HMCN2: variants seen among roughly 807,000 people sequenced by gnomAD.
HMCN2 encodes the protein hemicentin-2.
In HMCN2, 325 loss-of-function variants were observed where a neutral mutation model predicts 377.5. That is an observed-to-expected ratio of 0.86 (90% confidence interval 0.79 to 0.94). The LOEUF (loss-of-function observed/expected upper bound fraction) is 0.94, where lower values mean the gene tolerates loss of function less well. HMCN2 is among the 40% of genes least tolerant of loss of function. The pLI is 0.00. For synonymous variants in HMCN2, 2,007 were observed against 2,046.8 expected, an observed-to-expected ratio of 0.98 and a Z score of 0.53; for missense variants, 4,543 against 4,725.3, an observed-to-expected ratio of 0.96 and a Z score of 1.13.
rs1293790530 is a variant in HMCN2 at position 130,385,676 on chromosome 9, T to G, written c.9223T>G (p.Trp3075Gly). 3.8e-6 allele frequency: 5 copies of G among 1,304,014 alleles called. No homozygotes were observed. The highest frequency in any genetic ancestry group is 2.3e-5 in the Admixed American group (1 of 43,542). The allele number at this position is 1,304,014 out of a possible 1,614,324, so 80.8% of individuals were successfully genotyped here. ...TDALPEPTVTWYKDGQPLVLA... is the reference protein window; with the variant it reads ...TDALPEPTVTGYKDGQPLVLA... ...TGCGCTCCCTGAGCCAACTGTGACC[T>G]GGTACAAGGATGGGCAGCCCCTGGT... Residue 3075 changes from tryptophan to glycine, a missense_variant, in exon 60 of 98, where the codon TGG (tryptophan) becomes GGG (glycine). Trp to Gly is a radical substitution (Grantham distance 184). This residue lies in a region of HMCN2 where 736 missense variants were observed against 773.2 expected (regional missense o/e 0.95). Coordinates refer to ENST00000683500, the MANE Select transcript of HMCN2 (RefSeq NM_001291815.2).
At position 130,400,925 on chromosome 9, in the gene HMCN2, T is replaced by C; in HGVS notation, c.11748T>C (p.Ser3916=). ...KAGAQLGARG[S]GYRVSPSGAL... ...GCGCCCAGCTAGGAGCTCGGGGGAGTGGCTATCGTGTCTCACCATCGGGTA... is the reference window on the plus strand; with the variant it reads ...GCGCCCAGCTAGGAGCTCGGGGGAGCGGCTATCGTGTCTCACCATCGGGTA... Residue 3916 remains serine (S), a synonymous_variant, in exon 77 of 98, where the codon AGT becomes AGC. Transcript: ENST00000683500. The C allele has an allele frequency of 7.8e-7, 1 of 1,287,416 alleles. No individual in the cohort carries two copies. Among genetic ancestry groups the C allele is most frequent in the Non-Finnish European group, 1.0e-6 (1 of 987,960 alleles). The allele number at this position is 1,287,416 out of a possible 1,614,324, so 79.7% of individuals were successfully genotyped here.
chr9:130,354,979 T>C lies in HMCN2; in HGVS notation c.5081T>C (p.Leu1694Pro), dbSNP rs1490609644. ...AGCCCGGGGGAGGCATCCAGTGGCC[T>C]GTACAGCTGTGTGGCCAGCAGTCCT... ...LESPGEASSG[L>P]YSCVASSPAG... Residue 1694 changes from leucine to proline, a missense_variant, in exon 32 of 98, where the codon CTG becomes CCG. By Grantham distance (98) the Leu-to-Pro change is moderately conservative. Transcript: ENST00000683500. 7.7e-7 allele frequency: 1 copy of C among 1,299,418 alleles called. No individual in the cohort carries two copies. Among genetic ancestry groups the C allele is most frequent in the Non-Finnish European group, 1.0e-6 (1 of 988,830 alleles). The allele number at this position is 1,299,418 out of a possible 1,614,324, so 80.5% of individuals were successfully genotyped here.
intron 94 of HMCN2, 29 bp downstream of exon 94, chr9:130,429,714 C>T (rs1209864367): frequency 7.6e-6 from 10 of 1,308,326 alleles, no homozygotes; most frequent in Non-Finnish European, 1.0e-5. Context: ...TCTGGCCACA[C>T]CGCTGCAGCT....
Position 130,277,781 on chromosome 9 carries a change from T to C in HMCN2, c.260-6822T>C, listed in dbSNP as rs868912922. Among the ~76,000 whole-genome samples, 343 of 64,556 alleles carry C rather than the reference T, an allele frequency of 5.3e-3. 2 individuals are homozygous for C. Among genetic ancestry groups the C allele is most frequent in the Middle Eastern group, 0.025 (3 of 118 alleles). The allele number at this position is 64,556 out of a possible 152,430, so 42.4% of individuals were successfully genotyped here. A position where few individuals can be genotyped will look rare whatever the true frequency, so the allele number is the denominator to read the frequency against. On this transcript the variant is annotated intron_variant, in intron 1 of 97. Coordinates refer to ENST00000683500, the MANE Select transcript of HMCN2 (RefSeq NM_001291815.2). ...ATCATCATCACCACCACCATCATCA[T>C]CACCACCACCATCATCATCACCACC...
chr9:130,279,362 G>GT (rs1157142327), intron 1 of HMCN2, among the ~76,000 whole-genome samples: 11 of 151,366 alleles, frequency 7.3e-5, no homozygotes, highest in African/African-American at 2.4e-4. Context: ...TTGTTGTTTT[G>GT]TTTTTTTTGA....
Position 130,351,489 on chromosome 9 carries a change from C to T in HMCN2, c.4497C>T (p.Gly1499=), listed in dbSNP as rs1839712793. The change falls in exon 30 of 98, where the codon GGC becomes GGT. Residue 1499 remains glycine, a synonymous_variant. Coordinates refer to ENST00000683500, the MANE Select transcript of HMCN2 (RefSeq NM_001291815.2). This position sits in a 1 kb window ranked among gnomAD's most constrained non-coding sequence, Gnocchi z 5.4. ...QEDGQVLRIT[G]SHVGDEGRYQ... is the part of the protein sequence containing the mutation. ...ATGGCCAGGTTCTCAGGATCACCGG[C>T]AGTCACGTGGGGGATGAGGGACGAT... is the stretch of plus-strand genomic sequence containing the variant. 14 of 1,304,312 alleles carry T rather than the reference C, an allele frequency of 1.1e-5. No homozygotes were observed. The highest frequency in any genetic ancestry group is 1.4e-5 in the Non-Finnish European group (14 of 988,960). The allele number at this position is 1,304,312 out of a possible 1,614,324, so 80.8% of individuals were successfully genotyped here.
intron 72 of HMCN2, 47 bp downstream of exon 72, chr9:130,396,112 T>TCCCCCCCCCCC: frequency 3.2e-6 from 1 of 314,982 alleles, no homozygotes; most frequent in Admixed American, 9.9e-5. Flanking sequence ...TACCCCACCC[T>TCCCCCCCCCCC]GCCCACCCCC....
At chr9:130,429,748 G>T (rs1375576037) in intron 94 of HMCN2, 63 bp downstream of exon 94, 1 of 1,298,946 alleles carries the variant, frequency 7.7e-7, no homozygotes, top group East Asian at 2.7e-5. Flanking sequence ...CCGGATGCAG[G>T]GCCCCAGCCT....
rs1027322802 is a variant in HMCN2 at position 130,368,313 on chromosome 9, C to T, written c.6663C>T (p.His2221=). ...CCGGGGAGGGGGCTGGCCTCCAGCACGTGTCGGCTGTGGGGAGGCTGTTGT... is the reference window on the plus strand; with the variant it reads ...CCGGGGAGGGGGCTGGCCTCCAGCATGTGTCGGCTGTGGGGAGGCTGTTGT... ...PLPGEGAGLQ[H]VSAVGRLLYL... Residue 2221 remains histidine, a synonymous_variant, in exon 44 of 98, where the codon CAC becomes CAT. Transcript: ENST00000683500. 7.1e-6 allele frequency: 7 copies of T among 985,618 alleles called. No homozygotes were observed. The highest frequency in any genetic ancestry group is 1.7e-5 in the African/African-American group (1 of 57,212). 61.1% of individuals were successfully genotyped at this position (985,618 alleles called of 1,614,324 possible). A position where few individuals can be genotyped will look rare whatever the true frequency, so the allele number is the denominator to read the frequency against.
At chr9:130,373,634 T>C (rs1279580449) in intron 48 of HMCN2, among the ~76,000 whole-genome samples, 1 of 139,430 alleles carries the variant, frequency 7.2e-6, no homozygotes, top group Non-Finnish European at 1.6e-5. Context: ...GATGGATGGA[T>C]GGATGAATGG....
At chr9:130,299,508 T>C (rs1836355871) in intron 8 of HMCN2, among the ~76,000 whole-genome samples, 2 of 151,856 alleles carry the variant, frequency 1.3e-5, no homozygotes, top group South Asian at 4.2e-4. Flanking sequence ...TCAAGTCAAC[T>C]ATCCATTCAT....
At chr9:130,362,245 C>T (rs1840425831) in intron 39 of HMCN2, 80 bp downstream of exon 39, 2 of 940,446 alleles carry the variant, frequency 2.1e-6, no homozygotes, top group Non-Finnish European at 2.5e-6. Flanking sequence ...GCCCTGGGAA[C>T]TTAGGGTGAG....
chr9:130,431,073 G>T (rs1386447675), intron 95 of HMCN2: 3 of 519,664 alleles, frequency 5.8e-6, no homozygotes, highest in Non-Finnish European at 1.0e-5. Flanking sequence ...GAGGTGGCCT[G>T]CCCCAGGGCT....
intron 23 of HMCN2, among the ~76,000 whole-genome samples, chr9:130,339,892 A>C (rs1838957779): frequency 6.6e-6 from 1 of 152,132 alleles, no homozygotes; most frequent in South Asian, 2.1e-4. Context: ...GGTCCAGGAC[A>C]CTTGTCCCAG....
At position 130,394,339 on chromosome 9, in the gene HMCN2, C is replaced by A. The variant is rs143978367; in HGVS notation, c.10502-46C>A. The A allele has an allele frequency of 1.6e-6, 2 of 1,214,030 alleles. No homozygotes were observed. The highest frequency in any genetic ancestry group is 1.3e-5 in the South Asian group (1 of 78,240). 75.2% of individuals were successfully genotyped at this position (1,214,030 alleles called of 1,614,324 possible). A position where few individuals can be genotyped will look rare whatever the true frequency, so the allele number is the denominator to read the frequency against. On this transcript the variant is annotated intron_variant, in intron 68 of 97. Coordinates refer to ENST00000683500, the MANE Select transcript of HMCN2 (RefSeq NM_001291815.2). The surrounding 1 kb of genome is among the most constrained non-coding windows in gnomAD (Gnocchi z 5.1). The stretch of plus-strand genomic sequence containing the variant: ...AGTGTTTTCAAGTGCGGTGCTGTCC[C>A]GGAAATGTGTGTCAATTGTGTGTTC...
chr9:130,336,968 G>A (rs1278021538), intron 22 of HMCN2, among the ~76,000 whole-genome samples: 1 of 152,072 alleles, frequency 6.6e-6, no homozygotes, highest in Non-Finnish European at 1.5e-5. Context: ...GGCATCCCGG[G>A]CCTGCTGGGT....
chr9:130,405,621 C>G (rs1397058443), intron 81 of HMCN2, among the ~76,000 whole-genome samples: 2 of 152,240 alleles, frequency 1.3e-5, no homozygotes, highest in Non-Finnish European at 2.9e-5. Flanking sequence ...CTCTTGGAGC[C>G]CCTGTTGGGC....
chr9:130,343,268 G>A (rs1462042825), intron 25 of HMCN2, among the ~76,000 whole-genome samples: 1 of 152,218 alleles, frequency 6.6e-6, no homozygotes, highest in Non-Finnish European at 1.5e-5. Context: ...CTGTGGGGCT[G>A]AGGTTCTCTG....
chr9:130,392,021 C>T lies in HMCN2; in HGVS notation c.10039C>T (p.Arg3347Trp), dbSNP rs945002810. 1.6e-5 allele frequency: 16 copies of T among 988,340 alleles called. No homozygotes were observed. The highest frequency in any genetic ancestry group is 4.7e-5 in the South Asian group (1 of 21,394). The allele number at this position is 988,340 out of a possible 1,614,324, so 61.2% of individuals were successfully genotyped here. ...GELVTMVCPV[R>W]GSPPIHVSWL... ...GCTGGTGACCATGGTGTGCCCTGTG[C>T]GGGGCTCCCCGCCCATCCACGTGAG... Residue 3347 changes from arginine (R) to tryptophan (W), a missense_variant, in exon 66 of 98, where the codon CGG becomes TGG. Coordinates refer to ENST00000683500, the MANE Select transcript of HMCN2 (RefSeq NM_001291815.2).
Sources: allele counts gnomAD v4.1 joint callset (sites outside exome capture counted in the v4.1 genomes callset), GRCh38; gene constraint gnomAD v4.1.1; regional missense constraint gnomAD v4.1.1; non-coding constraint Gnocchi (gnomAD v3.1); transcripts MANE v1.5; gene names NCBI Gene and HGNC (gene_info 2026-07-23, HGNC 2026-07-21).